Variants in KCNH5 observed in about 807,000 individuals in gnomAD.
KCNH5 encodes the protein potassium voltage-gated channel subfamily H member 5.
A neutral mutation model predicts 96.1 loss-of-function variants in KCNH5; 46 were observed. The observed-to-expected ratio is 0.48, with a 90% CI of 0.38 to 0.61. The LOEUF is 0.61. KCNH5 is among the 20% of genes least tolerant of loss of function. The pLI, the probability that KCNH5 is intolerant of heterozygous loss-of-function variation, is 0.00. For synonymous variants in KCNH5, 439 were observed against 449.8 expected (o/e 0.98, Z 0.30); for missense variants, 907 against 1,225.8 (o/e 0.74, Z 3.88).
chr14:62,926,806 G>A (rs1198207715), intron 7 of KCNH5, among the ~76,000 whole-genome samples: 1 of 152,068 alleles, frequency 6.6e-6, no homozygotes, highest in Non-Finnish European at 1.5e-5. Context: ...CACATGAAGG[G>A]TTGGGATTTA....
chr14:62,921,977 CT>C (rs1423951898), intron 7 of KCNH5, among the ~76,000 whole-genome samples: 1 of 152,036 alleles, frequency 6.6e-6, no homozygotes, highest in African/African-American at 2.4e-5. Flanking sequence ...TGTTATTTGA[CT>C]AGATCTCATA....
At chr14:62,709,627 G>T (rs1290845606) in intron 10 of KCNH5, among the ~76,000 whole-genome samples, 1 of 152,096 alleles carries the variant, frequency 6.6e-6, no homozygotes, top group Non-Finnish European at 1.5e-5. Flanking sequence ...ACATAGTACA[G>T]GTGAGGGGTT....
chr14:62,949,131 T>C (rs915372117), intron 7 of KCNH5, among the ~76,000 whole-genome samples: 10 of 152,064 alleles, frequency 6.6e-5, no homozygotes, highest in Non-Finnish European at 1.3e-4. Flanking sequence ...ACCACTCCTA[T>C]TCAACATAGT....
intron 5 of KCNH5, among the ~76,000 whole-genome samples, chr14:62,985,286 C>T (rs2139573224): frequency 6.6e-6 from 1 of 152,240 alleles, no homozygotes; most frequent in South Asian, 2.1e-4. Context: ...CCCAAGCTAA[C>T]AGTGCTATTT....
intron 6 of KCNH5, among the ~76,000 whole-genome samples, chr14:62,953,215 C>T (rs1000248717): frequency 2.6e-5 from 4 of 151,866 alleles, no homozygotes; most frequent in South Asian, 2.1e-4. Flanking sequence ...ATTATAGACT[C>T]TCTCTGCCAT....
Position 62,705,154 on chromosome 14 carries a change from G to T in KCNH5, c.*2354C>A, listed in dbSNP as rs186072249. 1.3e-5 allele frequency: 2 copies of T among 151,946 alleles called. No homozygotes were observed. The highest frequency in any genetic ancestry group is 2.9e-5 in the Non-Finnish European group (2 of 67,860). 9.4% of individuals were successfully genotyped at this position (151,946 alleles called of 1,614,324 possible). A position where few individuals can be genotyped will look rare whatever the true frequency, so the allele number is the denominator to read the frequency against. On this transcript the variant is annotated 3_prime_UTR_variant, in exon 11 of 11. Coordinates refer to ENST00000322893, the MANE Select transcript of KCNH5 (RefSeq NM_139318.5). Reference sequence around the variant, plus strand: ...GAACAATAACATTGTAGGTCGATTAGGTGAAACTCTACGTCAATGTCAGAA... The same window carrying T: ...GAACAATAACATTGTAGGTCGATTATGTGAAACTCTACGTCAATGTCAGAA...
chr14:63,025,231 A>G (rs1407870042), intron 1 of KCNH5, among the ~76,000 whole-genome samples: 3 of 152,064 alleles, frequency 2.0e-5, no homozygotes, highest in Non-Finnish European at 4.4e-5. Flanking sequence ...GAAGTAATGT[A>G]CCTCAACACA....
intron 1 of KCNH5, among the ~76,000 whole-genome samples, chr14:63,029,455 C>A (rs548331731): frequency 6.6e-6 from 1 of 152,078 alleles, no homozygotes; most frequent in African/African-American, 2.4e-5. Context: ...CATTTATAAG[C>A]TATTACTATT....
At chr14:62,723,360 A>C (rs987679129) in intron 10 of KCNH5, among the ~76,000 whole-genome samples, 2 of 152,206 alleles carry the variant, frequency 1.3e-5, no homozygotes, top group Non-Finnish European at 2.9e-5. Flanking sequence ...TCTATTAAGT[A>C]TTATCTTCTG....
intron 7 of KCNH5, among the ~76,000 whole-genome samples, chr14:62,930,328 T>C (rs901722060): frequency 6.6e-6 from 1 of 152,124 alleles, no homozygotes; most frequent in South Asian, 2.1e-4. Context: ...TAAATTTCTG[T>C]AGGCAAAGTT....
At chr14:62,901,692 A>C (rs1888928089) in intron 7 of KCNH5, among the ~76,000 whole-genome samples, 1 of 152,172 alleles carries the variant, frequency 6.6e-6, no homozygotes, top group African/African-American at 2.4e-5. Context: ...AGAACATGTG[A>C]GTGCATGTGT....
At chr14:62,980,138 G>GT (rs1890579173) in intron 6 of KCNH5, among the ~76,000 whole-genome samples, 1 of 152,174 alleles carries the variant, frequency 6.6e-6, no homozygotes, top group African/African-American at 2.4e-5. Flanking sequence ...CACCAGGATT[G>GT]TAAGTTTCCT....
intron 1 of KCNH5, among the ~76,000 whole-genome samples, chr14:63,025,489 A>G (rs1891507004): frequency 6.6e-6 from 1 of 152,110 alleles, no homozygotes; most frequent in South Asian, 2.1e-4. Flanking sequence ...AGACTCAACC[A>G]AAAAACTGTT....
At position 62,703,132 on chromosome 14, in the gene KCNH5, C is replaced by T. The variant is rs1884372668; in HGVS notation, c.*4376G>A. On this transcript the variant is annotated 3_prime_UTR_variant, in exon 11 of 11. Transcript: ENST00000322893. ...CCTATCTTTCTCTTCTCTCTCTCTT[C>T]TGTCAAAGGAGCTTCATTCTTTCCA... 1 of 151,924 alleles carries T rather than the reference C, an allele frequency of 6.6e-6. No homozygotes were observed. The highest frequency in any genetic ancestry group is 6.6e-5 in the Admixed American group (1 of 15,244). The allele number at this position is 151,924 out of a possible 1,614,324, so 9.4% of individuals were successfully genotyped here.
chr14:62,976,402 CAAAAAA>C lies in KCNH5; in HGVS notation c.942+4464_942+4469del, dbSNP rs58791042. On this transcript the variant is annotated intron_variant, in intron 6 of 10. Coordinates refer to ENST00000322893, the MANE Select transcript of KCNH5 (RefSeq NM_139318.5). Reference sequence around the variant, plus strand: ...TGGGTGACAGAGCGAGACTCCATGTCAAAAAAAAAAAAAAAAAAAATTACAGGACTG... The same window carrying C: ...TGGGTGACAGAGCGAGACTCCATGTCAAAAAAAAAAAAAATTACAGGACTG... Among the ~76,000 whole-genome samples the C allele has an allele frequency of 7.3e-3, 620 of 85,290 alleles. 5 individuals are homozygous for C. Among genetic ancestry groups the C allele is most frequent in the African/African-American group, 0.027 (601 of 22,364 alleles). 56.0% of individuals were successfully genotyped at this position (85,290 alleles called of 152,430 possible). A position where few individuals can be genotyped will look rare whatever the true frequency, so the allele number is the denominator to read the frequency against.
At chr14:62,799,744 C>T (rs1446830212) in intron 9 of KCNH5, among the ~76,000 whole-genome samples, 6 of 122,588 alleles carry the variant, frequency 4.9e-5, no homozygotes, top group East Asian at 2.4e-4. Context: ...CACACACACA[C>T]ATATCAGGGT....
chr14:62,924,578 T>C (rs1889437743), intron 7 of KCNH5, among the ~76,000 whole-genome samples: 3 of 151,816 alleles, frequency 2.0e-5, no homozygotes, highest in Admixed American at 2.0e-4. Flanking sequence ...CTAGTGACCA[T>C]CAACAGATGA....
At chr14:63,030,507 C>T (rs114960650) in intron 1 of KCNH5, among the ~76,000 whole-genome samples, 1,750 of 152,218 alleles carry the variant, frequency 0.011, 25 homozygotes, top group African/African-American at 0.03. Flanking sequence ...TCCAAATGGT[C>T]CCCTAGAGAT....
At position 62,970,044 on chromosome 14, in the gene KCNH5, TAAAAAAAAAAAAA is replaced by T. The variant is rs373852520; in HGVS notation, c.942+10815_942+10827del. ...CTGGGTGACAGAGTGAGACTCCGTC[TAAAAAAAAAAAAA>T]AAAAAAAAAAAAAATTAAATCAATA... On this transcript the variant is annotated intron_variant, in intron 6 of 10. Coordinates refer to ENST00000322893, the MANE Select transcript of KCNH5 (RefSeq NM_139318.5). 9.9e-5 allele frequency among the ~76,000 whole-genome samples: 3 copies of T among 30,420 alleles called. 1 individual carries two copies. The highest frequency in any genetic ancestry group is 1.6e-3 in the East Asian group (2 of 1,252). 20.0% of individuals were successfully genotyped at this position (30,420 alleles called of 152,430 possible).
Sources: allele counts gnomAD v4.1 joint callset (sites outside exome capture counted in the v4.1 genomes callset), GRCh38; gene constraint gnomAD v4.1.1; transcripts MANE v1.5; gene names NCBI Gene and HGNC (gene_info 2026-07-23, HGNC 2026-07-21).